CHRNA7: variants seen among roughly 807,000 people sequenced by gnomAD.
CHRNA7 encodes cholinergic receptor nicotinic alpha 7 subunit.
Under a neutral mutation model 48.0 loss-of-function variants are expected in CHRNA7, and 17 were observed. That is an observed-to-expected ratio of 0.35 (90% CI 0.24 to 0.53). The LOEUF (loss-of-function observed/expected upper bound fraction) is 0.53. Among genes scored for constraint, CHRNA7 ranks in the 20% least tolerant of loss-of-function variants. The pLI, the probability that CHRNA7 is intolerant of heterozygous loss-of-function variation, is 0.92. For synonymous variants in CHRNA7, 75 were observed against 242.3 expected, an observed-to-expected ratio of 0.31 and a Z score of 6.41; for missense variants, 155 against 577.7, an observed-to-expected ratio of 0.27 and a Z score of 7.50.
At chr15:32,145,567 G>A (rs2051470129) in intron 4 of CHRNA7, among the ~76,000 whole-genome samples, 1 of 152,158 alleles carries the variant, frequency 6.6e-6, no homozygotes, top group African/African-American at 2.4e-5. Flanking sequence ...GAGCTGTGGT[G>A]GGCTCCACTC....
intron 4 of CHRNA7, among the ~76,000 whole-genome samples, chr15:32,124,993 GC>G (rs1240472231): frequency 6.6e-6 from 1 of 152,200 alleles, no homozygotes; most frequent in Non-Finnish European, 1.5e-5. Context: ...GAAGATAAAT[GC>G]CAGAACTGAC....
intron 4 of CHRNA7, among the ~76,000 whole-genome samples, chr15:32,116,574 C>T (rs551602872): frequency 2.6e-5 from 4 of 152,300 alleles, no homozygotes; most frequent in Admixed American, 2.6e-4. Flanking sequence ...AAGTGGGTAG[C>T]AATTATGGAT....
chr15:32,068,294 G>T (rs974323513), intron 2 of CHRNA7, among the ~76,000 whole-genome samples: 3 of 152,170 alleles, frequency 2.0e-5, no homozygotes, highest in Non-Finnish European at 2.9e-5. Flanking sequence ...GGGTAACAGA[G>T]TGAGACCCTG....
At chr15:32,120,724 G>A (rs2050953891) in intron 4 of CHRNA7, among the ~76,000 whole-genome samples, 1 of 152,088 alleles carries the variant, frequency 6.6e-6, no homozygotes, top group Admixed American at 6.5e-5. Flanking sequence ...CAACGGGCCA[G>A]TCCACGGAGC....
chr15:32,078,795 A>G (rs984208391), intron 2 of CHRNA7, among the ~76,000 whole-genome samples: 5 of 152,158 alleles, frequency 3.3e-5, no homozygotes, highest in African/African-American at 1.2e-4. Context: ...ACCCTAACTC[A>G]TTTCATGAGG....
intron 4 of CHRNA7, among the ~76,000 whole-genome samples, chr15:32,151,507 C>T (rs932048295): frequency 1.3e-5 from 2 of 151,842 alleles, no homozygotes; most frequent in African/African-American, 2.4e-5. Flanking sequence ...GAAGTGTCTT[C>T]GTGTTATTTC....
At chr15:32,083,545 A>G (rs902808054) in intron 2 of CHRNA7, among the ~76,000 whole-genome samples, 4 of 152,212 alleles carry the variant, frequency 2.6e-5, no homozygotes, top group East Asian at 1.9e-4. Context: ...ACTAGTGCAA[A>G]TTTATTTTGG....
rs913937660 is a variant in CHRNA7, at chr15:32,149,787, A to G, written c.351-4120A>G. On this transcript the variant is annotated intron_variant, in intron 4 of 9. Transcript: ENST00000306901. This position sits in a 1 kb window ranked among gnomAD's most constrained non-coding sequence, Gnocchi z 4.6. ...TGTTGCTAATAGCAACAGTTTTTTT[A>G]TCTTGTTTTTACCTGTTTGCCTTGT... Among the ~76,000 whole-genome samples, 7 of 151,942 alleles carry G rather than the reference A, an allele frequency of 4.6e-5. No homozygotes were observed. Among genetic ancestry groups the G allele is most frequent in the Admixed American group, 1.3e-4 (2 of 15,266 alleles).
At chr15:32,123,668 A>C (rs1279904238) in intron 4 of CHRNA7, among the ~76,000 whole-genome samples, 1 of 152,144 alleles carries the variant, frequency 6.6e-6, no homozygotes, top group Non-Finnish European at 1.5e-5. Flanking sequence ...GCACCTGCAT[A>C]AACAAAACTT....
intron 4 of CHRNA7, among the ~76,000 whole-genome samples, chr15:32,120,788 G>A (rs931737300): frequency 6.6e-6 from 1 of 152,160 alleles, no homozygotes; most frequent in African/African-American, 2.4e-5. Flanking sequence ...GTGCCCAAGA[G>A]CACGGCTTTT....
chr15:32,148,923 C>G (rs2051553704), intron 4 of CHRNA7, among the ~76,000 whole-genome samples: 1 of 152,194 alleles, frequency 6.6e-6, no homozygotes, highest in Non-Finnish European at 1.5e-5. Flanking sequence ...AAAGCCTATG[C>G]AGACACCTCT....
At chr15:32,098,261 G>C (rs150092983) in intron 2 of CHRNA7, among the ~76,000 whole-genome samples, 5,348 of 152,202 alleles carry the variant, frequency 0.035, 144 homozygotes, top group Non-Finnish European at 0.055. Flanking sequence ...CAGCAGGGTC[G>C]GGACGTGCTT....
chr15:32,091,774 T>C (rs1389730741), intron 2 of CHRNA7, among the ~76,000 whole-genome samples: 1 of 152,252 alleles, frequency 6.6e-6, no homozygotes, highest in Non-Finnish European at 1.5e-5. Context: ...CACTCTGCTA[T>C]GGTGTCAGCT....
intron 2 of CHRNA7, among the ~76,000 whole-genome samples, chr15:32,044,239 C>A (rs1397026833): frequency 1.4e-5 from 2 of 140,714 alleles, no homozygotes; most frequent in Admixed American, 7.0e-5. Flanking sequence ...GTTGCCAGAT[C>A]GATCGATCTT....
intron 2 of CHRNA7, among the ~76,000 whole-genome samples, chr15:32,071,367 T>C (rs1434827854): frequency 6.6e-6 from 1 of 152,240 alleles, no homozygotes; most frequent in Non-Finnish European, 1.5e-5. Context: ...TTGAGGAATG[T>C]TAGCATATTT....
At chr15:32,114,079 C>CATATAT in intron 4 of CHRNA7, among the ~76,000 whole-genome samples, 1 of 112,572 alleles carries the variant, frequency 8.9e-6, no homozygotes, top group Non-Finnish European at 2.0e-5. Context: ...TATATATACA[C>CATATAT]ATACATACAT....
chr15:32,101,026 A>G (rs1383812049), intron 2 of CHRNA7: 3 of 372,174 alleles, frequency 8.1e-6, no homozygotes, highest in Admixed American at 4.7e-5. Flanking sequence ...ATTAGCAGGC[A>G]TCATTTCTGG....
chr15:32,077,064 G>A (rs1036507698), intron 2 of CHRNA7, among the ~76,000 whole-genome samples: 6 of 151,952 alleles, frequency 3.9e-5, no homozygotes, highest in Non-Finnish European at 7.4e-5. Flanking sequence ...AGCCTTTTCA[G>A]ATTTGACTTC....
In CHRNA7 at chr15:32,111,837, G is replaced by A; in HGVS notation, c.288G>A (p.Gly96=). The change falls in exon 4 of 10, where the codon GGG becomes GGA. Residue 96 remains glycine (G), a synonymous_variant. Coordinates refer to ENST00000306901, the MANE Select transcript of CHRNA7 (RefSeq NM_000746.6). The part of the protein sequence containing the change: ...YLQWNVSEYP[G]VKTVRFPDGQ... ...AGTGGAATGTGTCAGAATATCCAGG[G>A]GTGAAGACTGTTCGTTTCCCAGATG... 6.2e-7 allele frequency: 1 copy of A among 1,613,908 alleles called. No homozygotes were observed. The highest frequency in any genetic ancestry group is 8.5e-7 in the Non-Finnish European group (1 of 1,179,804).
Sources: gnomAD v4.1 joint callset for allele counts (sites outside exome capture counted in the v4.1 genomes callset) on GRCh38, gnomAD v4.1.1 for gene constraint, Gnocchi (gnomAD v3.1) non-coding constraint, MANE v1.5 for transcripts, NCBI Gene and HGNC (gene_info 2026-07-23, HGNC 2026-07-21) for gene names.